The following SLIT3 variants were observed in gnomAD, a reference collection of about 807,000 sequenced individuals.
SLIT3 encodes slit homolog 3 protein.
In SLIT3, 68 loss-of-function variants were observed where a neutral mutation model predicts 184.0. That is an observed-to-expected ratio of 0.37 (90% CI 0.30 to 0.45). SLIT3 has a LOEUF of 0.45. Among genes scored for constraint, SLIT3 ranks in the 20% least tolerant of loss-of-function variants. The pLI, the probability that SLIT3 is intolerant of heterozygous loss-of-function variation, is 1.00. For missense variants in SLIT3, 1,707 were observed against 2,026.0 expected, an observed-to-expected ratio of 0.84 and a Z score of 3.02; for synonymous variants, 831 against 828.6, an observed-to-expected ratio of 1.00 and a Z score of -0.05.
intron 4 of SLIT3, among the ~76,000 whole-genome samples, chr5:168,995,223 C>G (rs990179446): frequency 2.0e-5 from 3 of 152,178 alleles, no homozygotes; most frequent in African/African-American, 4.8e-5. Context: ...TGAGAGCAAA[C>G]AAAGCCTTCC....
At position 169,164,129 on chromosome 5, in the gene SLIT3, C is replaced by A. The variant is rs377341716; in HGVS notation, c.413+29350G>T. ...CCTTTTCAAAGTCAGGGGAAAGCAA[C>A]CCAAGACATCTAAACATAACCACAC... On this transcript the variant is annotated intron_variant, in intron 4 of 35. Transcript: ENST00000519560. Among the ~76,000 whole-genome samples the A allele has an allele frequency of 4.0e-4, 61 of 152,288 alleles. No homozygotes were observed. In the South Asian group the frequency reaches 8.3e-3, roughly 21 times the overall value.
At chr5:168,754,105 G>C in intron 16 of SLIT3, 98 bp from the exon 17 acceptor site, 2 of 1,313,024 alleles carry the variant, frequency 1.5e-6, no homozygotes, top group Admixed American at 2.2e-5. Context: ...GGACTCTCTG[G>C]GGCCCCTGAG....
chr5:168,969,006 C>A (rs1057078112), intron 4 of SLIT3, among the ~76,000 whole-genome samples: 3 of 152,152 alleles, frequency 2.0e-5, no homozygotes, highest in Non-Finnish European at 4.4e-5. Context: ...TTTCCTCCAA[C>A]TTGGTCTGGA....
intron 12 of SLIT3, among the ~76,000 whole-genome samples, chr5:168,777,478 A>G (rs1755804267): frequency 6.6e-6 from 1 of 152,156 alleles, no homozygotes; most frequent in Non-Finnish European, 1.5e-5. Context: ...CTTCTCACTC[A>G]TCAGGTCTAT....
At chr5:169,212,545 A>C (rs1057368183) in intron 3 of SLIT3, among the ~76,000 whole-genome samples, 10 of 151,992 alleles carry the variant, frequency 6.6e-5, no homozygotes, top group African/African-American at 2.2e-4. Context: ...ATATTGCAAA[A>C]ATTTTCTCCC....
intron 8 of SLIT3, among the ~76,000 whole-genome samples, chr5:168,812,690 C>T (rs1255151116): frequency 6.6e-6 from 1 of 152,058 alleles, no homozygotes; most frequent in East Asian, 1.9e-4. Context: ...CAATGGGACT[C>T]GAGCAATTAT....
intron 1 of SLIT3, among the ~76,000 whole-genome samples, chr5:169,272,860 G>A (rs975146653): frequency 1.3e-5 from 2 of 152,168 alleles, no homozygotes; most frequent in Admixed American, 6.5e-5. Context: ...ACACGCGCAA[G>A]CACCAGCCCT....
Position 169,171,550 on chromosome 5 carries a change from T to C in SLIT3, c.413+21929A>G, listed in dbSNP as rs554728472. Among the ~76,000 whole-genome samples the C allele has an allele frequency of 3.9e-5, 6 of 152,304 alleles. No homozygotes were observed. The East Asian group carries it at 1.2e-3, about 29-fold the overall frequency. On this transcript the variant is annotated intron_variant, in intron 4 of 35. Coordinates refer to ENST00000519560, the MANE Select transcript of SLIT3 (RefSeq NM_003062.4). ...CAAGGATTGTATAGCACTCCCTAGA[T>C]TGAAAGCCTCAGGAAAGAGGTTTCA...
chr5:168,855,382 G>T (rs1758827091), intron 5 of SLIT3, among the ~76,000 whole-genome samples: 2 of 152,124 alleles, frequency 1.3e-5, no homozygotes, highest in Admixed American at 6.5e-5. Context: ...ATAGCCAAAA[G>T]AATTAAAAAC....
intron 23 of SLIT3, among the ~76,000 whole-genome samples, chr5:168,719,616 T>C (rs1762873004): frequency 6.6e-6 from 1 of 152,254 alleles, no homozygotes; most frequent in Non-Finnish European, 1.5e-5. Context: ...CATGGTTTCC[T>C]TAAACATTTC....
intron 4 of SLIT3, among the ~76,000 whole-genome samples, chr5:169,015,430 T>C (rs761316031): frequency 2.0e-5 from 3 of 152,096 alleles, no homozygotes; most frequent in Non-Finnish European, 4.4e-5. Flanking sequence ...AAAGCCAGAG[T>C]TGACCAATAT....
intron 7 of SLIT3, among the ~76,000 whole-genome samples, chr5:168,822,492 A>C (rs1757563727): frequency 6.6e-6 from 1 of 152,096 alleles, no homozygotes; most frequent in South Asian, 2.1e-4. Flanking sequence ...CACCAACACA[A>C]GCCAAGTATC....
intron 4 of SLIT3, among the ~76,000 whole-genome samples, chr5:168,888,884 G>C (rs1210644183): frequency 1.3e-5 from 2 of 152,194 alleles, no homozygotes; most frequent in African/African-American, 4.8e-5. Context: ...CCCAGTAGGA[G>C]GAAACCTGCC....
At chr5:168,783,772 G>A (rs572416863) in intron 12 of SLIT3, among the ~76,000 whole-genome samples, 17 of 152,234 alleles carry the variant, frequency 1.1e-4, no homozygotes, top group Admixed American at 3.9e-4. Context: ...TCAATGGCAG[G>A]TCAAAACCCA....
chr5:168,732,163 A>G (rs1763308390), intron 20 of SLIT3, among the ~76,000 whole-genome samples: 1 of 152,148 alleles, frequency 6.6e-6, no homozygotes, highest in Non-Finnish European at 1.5e-5. Context: ...TATCTAGTCA[A>G]GGACCAAATC....
At chr5:169,199,641 A>G (rs950072486) in intron 3 of SLIT3, among the ~76,000 whole-genome samples, 4 of 152,154 alleles carry the variant, frequency 2.6e-5, no homozygotes, top group Non-Finnish European at 5.9e-5. Flanking sequence ...TAGCATCCCT[A>G]TATTTAGGAA....
At chr5:169,201,252 C>T (rs1763896738) in intron 3 of SLIT3, among the ~76,000 whole-genome samples, 3 of 152,280 alleles carry the variant, frequency 2.0e-5, no homozygotes, top group South Asian at 4.2e-4. Context: ...TTATTTTTGA[C>T]ATTTCTATAG....
intron 4 of SLIT3, among the ~76,000 whole-genome samples, chr5:168,896,967 C>T (rs1760685621): frequency 6.6e-6 from 1 of 152,060 alleles, no homozygotes; most frequent in Non-Finnish European, 1.5e-5. Flanking sequence ...CAGAGCCGTG[C>T]AGGAAAAGCC....
At chr5:168,806,419 T>C (rs1172001072) in intron 9 of SLIT3, 27 bp downstream of exon 9, 1 of 1,613,704 alleles carries the variant, frequency 6.2e-7, no homozygotes, top group Admixed American at 1.7e-5. Context: ...GCGACAGTTG[T>C]TGGGGGTGTC....
Sources: allele counts gnomAD v4.1 joint callset (sites outside exome capture counted in the v4.1 genomes callset), GRCh38; gene constraint gnomAD v4.1.1; transcripts MANE v1.5; gene names NCBI Gene and HGNC (gene_info 2026-07-23, HGNC 2026-07-21).